EEF2K: variants seen among roughly 807,000 people sequenced by gnomAD.
The protein encoded by EEF2K is alternative protein EEF2K.
In EEF2K, 70 loss-of-function variants were observed where a neutral mutation model predicts 93.8. The observed-to-expected ratio is 0.75, with a 90% CI of 0.62 to 0.91. The LOEUF (loss-of-function observed/expected upper bound fraction) is 0.91. EEF2K is among the 40% of genes least tolerant of loss of function. The pLI is 0.00. For missense variants in EEF2K, 935 were observed against 972.9 expected (o/e 0.96, Z 0.52); for synonymous variants, 376 against 380.8 (o/e 0.99, Z 0.15).
At chr16:22,209,810 T>C (rs905955014) in intron 1 of EEF2K, among the ~76,000 whole-genome samples, 15 of 152,202 alleles carry the variant, frequency 9.9e-5, no homozygotes, top group Non-Finnish European at 7.3e-5. Flanking sequence ...GTTGTTGTTT[T>C]GAGACAGGGT....
At chr16:22,283,697 T>C (rs1384125782) in intron 17 of EEF2K, among the ~76,000 whole-genome samples, 190 bp from the exon 18 acceptor site, 1 of 152,106 alleles carries the variant, frequency 6.6e-6, no homozygotes, top group Admixed American at 6.6e-5. Flanking sequence ...AGTGCTATTA[T>C]TGGCTAGATT....
At chr16:22,267,190 AG>A (rs1285831439) in intron 15 of EEF2K, among the ~76,000 whole-genome samples, 1 of 152,022 alleles carries the variant, frequency 6.6e-6, no homozygotes, top group African/African-American at 2.4e-5. Context: ...TGGGGCCTGG[AG>A]GGGTTGGTTC....
chr16:22,237,490 T>C (rs1285885745), intron 2 of EEF2K, among the ~76,000 whole-genome samples: 1 of 151,604 alleles, frequency 6.6e-6, no homozygotes, highest in Non-Finnish European at 1.5e-5. Flanking sequence ...TACAAAAAAT[T>C]AGCCAGGCGT....
At chr16:22,263,009 G>T in intron 11 of EEF2K, 101 bp from the exon 12 acceptor site, 1 of 1,097,958 alleles carries the variant, frequency 9.1e-7, no homozygotes, top group Non-Finnish European at 1.3e-6. Flanking sequence ...TAGGTAATGG[G>T]ACAGAGGGGA....
intron 13 of EEF2K, among the ~76,000 whole-genome samples, chr16:22,265,614 A>G (rs2047509296): frequency 6.6e-6 from 1 of 152,208 alleles, no homozygotes. Flanking sequence ...TAGGTATGGA[A>G]CAGGGTTGCT....
intron 2 of EEF2K, among the ~76,000 whole-genome samples, chr16:22,241,041 T>TA (rs1450904835): frequency 6.6e-6 from 1 of 152,108 alleles, no homozygotes; most frequent in African/African-American, 2.4e-5. Flanking sequence ...GTGCTGGGAT[T>TA]ACAGGTGTGA....
At chr16:22,234,877 CTTTTTT>C (rs1173052779) in intron 2 of EEF2K, among the ~76,000 whole-genome samples, 14 of 90,624 alleles carry the variant, frequency 1.5e-4, no homozygotes, top group Admixed American at 9.4e-4. Flanking sequence ...TTTTTTGTTG[CTTTTTT>C]TTTTTTTTTT....
chr16:22,273,511 C>T, intron 15 of EEF2K, 115 bp from the exon 16 acceptor site: 1 of 1,482,784 alleles, frequency 6.7e-7, no homozygotes. Flanking sequence ...CTTCTATAGC[C>T]TCCCAACCCG....
Position 22,257,321 on chromosome 16 carries a change from G to A in EEF2K, c.837G>A (p.Gly279=), listed in dbSNP as rs769792876. Residue 279 remains glycine (G), a synonymous_variant, in exon 8 of 18, where the codon GGG becomes GGA. Coordinates refer to ENST00000263026, the MANE Select transcript of EEF2K (RefSeq NM_013302.5). ...QLIVVDIQGV[G]DLYTDPQIHT... ...TAGTGGTGGACATCCAGGGAGTTGG[G>A]GATCTCTACACTGACCCACAGATCC... 9.3e-6 allele frequency: 15 copies of A among 1,610,644 alleles called. 1 individual carries two copies. The South Asian group carries it at 1.7e-4, about 18-fold the overall frequency.
chr16:22,222,717 A>G (rs1427028815), intron 1 of EEF2K, among the ~76,000 whole-genome samples: 2 of 151,108 alleles, frequency 1.3e-5, no homozygotes, highest in East Asian at 3.9e-4. Flanking sequence ...AAAAAAAAAA[A>G]AAAAAAAAAT....
At chr16:22,238,372 C>CA (rs1412660571) in intron 2 of EEF2K, among the ~76,000 whole-genome samples, 1 of 152,122 alleles carries the variant, frequency 6.6e-6, no homozygotes, top group Non-Finnish European at 1.5e-5. Context: ...CATCCCCCTA[C>CA]AGATGGGCAG....
intron 16 of EEF2K, among the ~76,000 whole-genome samples, chr16:22,275,796 A>G (rs2047628633): frequency 6.6e-6 from 1 of 150,698 alleles, no homozygotes. Flanking sequence ...GTGCATCATG[A>G]TACCCAGCTA....
chr16:22,265,064 G>A, intron 13 of EEF2K, 184 bp downstream of exon 13: 1 of 602,368 alleles, frequency 1.7e-6, no homozygotes, highest in South Asian at 2.0e-5. Flanking sequence ...CAGGATGCTG[G>A]GGGATTTGTG....
chr16:22,277,358 C>T (rs1395641499), intron 16 of EEF2K, among the ~76,000 whole-genome samples: 1 of 152,140 alleles, frequency 6.6e-6, no homozygotes, highest in African/African-American at 2.4e-5. Context: ...TGGCCTCAAA[C>T]TCCTGGGCTC....
rs114886806 is a variant in EEF2K, at chr16:22,213,945, A to G, written c.-77+7266A>G. Among the ~76,000 whole-genome samples the G allele has an allele frequency of 7.8e-3, 1,187 of 152,324 alleles. 16 individuals are homozygous for G. Among genetic ancestry groups the G allele is most frequent in the African/African-American group, 0.026 (1,100 of 41,562 alleles). On this transcript the variant is annotated intron_variant, in intron 1 of 17. Transcript: ENST00000263026. ...TCACATCTGCAAAGTCCCTTTTGCC[A>G]TATAAGGTAACATATTCACAGGTTC...
At chr16:22,226,373 TAAAAC>T in intron 2 of EEF2K, among the ~76,000 whole-genome samples, 1 of 124,784 alleles carries the variant, frequency 8.0e-6, no homozygotes, top group African/African-American at 3.0e-5. Flanking sequence ...CAGAACAGAA[TAAAAC>T]AGCAACTATT....
At chr16:22,250,341 C>A (rs953834876) in intron 4 of EEF2K, among the ~76,000 whole-genome samples, 25 of 152,086 alleles carry the variant, frequency 1.6e-4, no homozygotes. Context: ...CACTTTTTTT[C>A]TCTTACAGTC....
chr16:22,226,325 CTT>C (rs935058417), intron 2 of EEF2K, among the ~76,000 whole-genome samples: 60 of 63,638 alleles, frequency 9.4e-4, no homozygotes, highest in East Asian at 6.0e-3. Context: ...AGGTGCTGTT[CTT>C]TTTTTTTTTT....
chr16:22,219,473 T>TA (rs2142102649), intron 1 of EEF2K, among the ~76,000 whole-genome samples: 1 of 151,962 alleles, frequency 6.6e-6, no homozygotes, highest in Non-Finnish European at 1.5e-5. Flanking sequence ...TCTACAAAAA[T>TA]AAAAAATTAG....
Sources: gnomAD v4.1 joint callset for allele counts (sites outside exome capture counted in the v4.1 genomes callset) on GRCh38, gnomAD v4.1.1 for gene constraint, MANE v1.5 for transcripts, NCBI Gene and HGNC (gene_info 2026-07-23, HGNC 2026-07-21) for gene names.